CCDC178: variants seen among roughly 807,000 people sequenced by gnomAD.
CCDC178 encodes the protein coiled-coil domain-containing protein 178.
In CCDC178, 126 loss-of-function variants were observed where a neutral mutation model predicts 117.4. The ratio of observed to expected loss-of-function variants is 1.07; its 90% CI spans 0.93 to 1.24. CCDC178 has a LOEUF of 1.24. Among genes scored for constraint, CCDC178 ranks in the 50% most tolerant of loss-of-function variants. The probability of loss-of-function intolerance (pLI) is 0.00; values close to 1 mark genes in which losing one functional copy is unlikely to be tolerated. For synonymous variants in CCDC178, 283 were observed against 313.4 expected (o/e 0.90, Z 1.02); for missense variants, 1,030 against 986.9 (o/e 1.04, Z -0.59).
chr18:33,110,819 T>C (rs1009003436), intron 20 of CCDC178, among the ~76,000 whole-genome samples: 1 of 151,584 alleles, frequency 6.6e-6, no homozygotes, highest in Non-Finnish European at 1.5e-5. Context: ...TGTGGCCTCA[T>C]AGTAAGTCTA....
intron 4 of CCDC178, among the ~76,000 whole-genome samples, chr18:33,390,787 A>C (rs188894575): frequency 3.9e-4 from 60 of 152,022 alleles, no homozygotes; most frequent in African/African-American, 1.4e-3. Context: ...TTAAGATGGC[A>C]CTTTCTTCCA....
At chr18:33,219,684 C>A (rs1466658637) in intron 18 of CCDC178, among the ~76,000 whole-genome samples, 1 of 151,904 alleles carries the variant, frequency 6.6e-6, no homozygotes, top group Non-Finnish European at 1.5e-5. Flanking sequence ...GACAGAAAAC[C>A]AAACACCACA....
At chr18:33,400,727 A>G (rs2063698532) in intron 3 of CCDC178, among the ~76,000 whole-genome samples, 1 of 152,146 alleles carries the variant, frequency 6.6e-6, no homozygotes, top group Non-Finnish European at 1.5e-5. Flanking sequence ...CGTATCAGCA[A>G]TAAGGGTGTT....
chr18:33,396,795 A>G lies in CCDC178; in HGVS notation c.118+354T>C, dbSNP rs531651079. ...GGCATAAAGAATTGTTCAGGAGAGTACAGGGAGACCTTCTGAAATGCCGGG... is the reference window on the plus strand; with the variant it reads ...GGCATAAAGAATTGTTCAGGAGAGTGCAGGGAGACCTTCTGAAATGCCGGG... On this transcript the variant is annotated intron_variant, in intron 4 of 22. Coordinates refer to ENST00000383096, the MANE Select transcript of CCDC178 (RefSeq NM_001105528.4). Among the ~76,000 whole-genome samples the G allele has an allele frequency of 3.3e-5, 5 of 152,300 alleles. No homozygotes were observed. The South Asian group carries it at 1.0e-3, about 32-fold the overall frequency.
intron 17 of CCDC178, among the ~76,000 whole-genome samples, chr18:33,224,267 T>A (rs865878168): frequency 2.6e-5 from 4 of 152,292 alleles, no homozygotes; most frequent in Middle Eastern, 6.8e-3. Context: ...GATTAATACA[T>A]GTTTTTCGAC....
chr18:32,964,048 A>G (rs1049550063), intron 22 of CCDC178, among the ~76,000 whole-genome samples: 1 of 152,022 alleles, frequency 6.6e-6, no homozygotes, highest in African/African-American at 2.4e-5. Context: ...GGAATTGTAG[A>G]GGCATTTGAC....
chr18:33,091,608 C>A (rs1254522068), intron 21 of CCDC178, among the ~76,000 whole-genome samples: 14 of 151,774 alleles, frequency 9.2e-5, no homozygotes, highest in Non-Finnish European at 1.9e-4. Context: ...AACACTTGTA[C>A]CTTGATGTAT....
chr18:33,236,421 A>G (rs575265152), intron 15 of CCDC178, among the ~76,000 whole-genome samples: 1 of 152,284 alleles, frequency 6.6e-6, no homozygotes, highest in South Asian at 2.1e-4. Flanking sequence ...GCATGTGTAT[A>G]TTATAGAAGT....
intron 22 of CCDC178, among the ~76,000 whole-genome samples, chr18:32,965,406 C>T (rs1377619104): frequency 6.6e-6 from 1 of 151,916 alleles, no homozygotes; most frequent in Non-Finnish European, 1.5e-5. Context: ...CTTCTTTTTA[C>T]TATTTCTTTG....
chr18:33,440,765 C>G, upstream of CCDC178: 1 of 154,296 alleles, frequency 6.5e-6, no homozygotes, highest in East Asian at 1.9e-4. Context: ...ACCGCGGGGG[C>G]GGCGGCGGCG....
chr18:33,298,434 C>T (rs2062134332), intron 11 of CCDC178, among the ~76,000 whole-genome samples: 1 of 151,906 alleles, frequency 6.6e-6, no homozygotes, highest in African/African-American at 2.4e-5. Flanking sequence ...CATTTCATCA[C>T]AATAAAAAAT....
intron 11 of CCDC178, among the ~76,000 whole-genome samples, chr18:33,307,473 C>T (rs2062271603): frequency 6.6e-6 from 1 of 152,120 alleles, no homozygotes; most frequent in South Asian, 2.1e-4. Flanking sequence ...GTCTAAGTGG[C>T]AAAGCATTCA....
At chr18:33,084,342 A>G (rs2057343877) in intron 21 of CCDC178, among the ~76,000 whole-genome samples, 1 of 152,190 alleles carries the variant, frequency 6.6e-6, no homozygotes, top group Non-Finnish European at 1.5e-5. Flanking sequence ...GGGTATTGCT[A>G]TGGCATGTGC....
chr18:33,135,151 T>A (rs1017608795), intron 20 of CCDC178, among the ~76,000 whole-genome samples: 2 of 152,100 alleles, frequency 1.3e-5, no homozygotes, highest in African/African-American at 2.4e-5. Flanking sequence ...GGTGAAAATG[T>A]TTAAAATATT....
At position 33,387,347 on chromosome 18, in the gene CCDC178, G is replaced by GA. The variant is rs894808836; in HGVS notation, c.208+2192dup. On this transcript the variant is annotated intron_variant, in intron 5 of 22. Transcript: ENST00000383096. ...ACCATTGACATTCATCACAGAATTA[G>GA]AAAAAACTATTTTAAAATTCATACA... is the stretch of plus-strand genomic sequence containing the variant. Among the ~76,000 whole-genome samples the GA allele has an allele frequency of 1.0e-3, 155 of 152,138 alleles. 1 individual carries two copies. Among genetic ancestry groups the GA allele is most frequent in the African/African-American group, 3.6e-3 (151 of 41,516 alleles).
At chr18:33,269,585 A>AT (rs2059862068) in intron 12 of CCDC178, among the ~76,000 whole-genome samples, 2 of 151,778 alleles carry the variant, frequency 1.3e-5, no homozygotes, top group South Asian at 2.1e-4. Context: ...ACAGAGATAA[A>AT]TTTTTTTCAG....
intron 11 of CCDC178, among the ~76,000 whole-genome samples, chr18:33,320,736 C>A (rs1362238556): frequency 1.9e-4 from 29 of 151,420 alleles, no homozygotes; most frequent in Non-Finnish European, 3.4e-4. Flanking sequence ...TGGAAAAAAA[C>A]TACTTTAAAG....
At chr18:33,127,725 C>T (rs895776798) in intron 20 of CCDC178, among the ~76,000 whole-genome samples, 1 of 152,142 alleles carries the variant, frequency 6.6e-6, no homozygotes, top group African/African-American at 2.4e-5. Flanking sequence ...TGAGCCACCA[C>T]GCCCAGCCCT....
intron 12 of CCDC178, among the ~76,000 whole-genome samples, chr18:33,284,764 T>C (rs1420499924): frequency 1.3e-5 from 2 of 152,198 alleles, no homozygotes; most frequent in South Asian, 2.1e-4. Context: ...TTAATAGCAA[T>C]TGAAGCAGAG....
Sources: allele counts gnomAD v4.1 joint callset (sites outside exome capture counted in the v4.1 genomes callset), GRCh38; gene constraint gnomAD v4.1.1; transcripts MANE v1.5; gene names NCBI Gene and HGNC (gene_info 2026-07-23, HGNC 2026-07-21).